The following ITGBL1 variants were observed in gnomAD, a reference collection of about 807,000 sequenced individuals.
The protein encoded by ITGBL1 is integrin beta-like protein 1.
Under a neutral mutation model 68.5 loss-of-function variants are expected in ITGBL1, and 51 were observed. That is an observed-to-expected ratio of 0.74 (90% CI 0.59 to 0.94). The LOEUF is 0.94. Among genes scored for constraint, ITGBL1 ranks in the 40% least tolerant of loss-of-function variants. ITGBL1 has a pLI of 0.00. For synonymous variants in ITGBL1, 209 were observed against 227.3 expected (o/e 0.92, Z 0.72); for missense variants, 649 against 647.4 (o/e 1.00, Z -0.03).
At chr13:101,672,643 G>T (rs2033406138) in intron 7 of ITGBL1, among the ~76,000 whole-genome samples, 2 of 152,160 alleles carry the variant, frequency 1.3e-5, no homozygotes, top group Admixed American at 1.3e-4. Flanking sequence ...ACATAAATCA[G>T]ACAGTGCCTT....
At chr13:101,515,721 G>A (rs981782694) in intron 2 of ITGBL1, among the ~76,000 whole-genome samples, 1 of 151,950 alleles carries the variant, frequency 6.6e-6, no homozygotes, top group Non-Finnish European at 1.5e-5. Flanking sequence ...AATTGACAGC[G>A]GAACAGACTT....
intron 2 of ITGBL1, among the ~76,000 whole-genome samples, chr13:101,514,589 T>A (rs911518625): frequency 5.9e-5 from 9 of 152,092 alleles, no homozygotes; most frequent in Non-Finnish European, 8.8e-5. Flanking sequence ...AAAAACAAAT[T>A]AATTGTATCT....
chr13:101,574,029 T>G (rs1233854390), intron 3 of ITGBL1, among the ~76,000 whole-genome samples: 1 of 152,156 alleles, frequency 6.6e-6, no homozygotes, highest in Non-Finnish European at 1.5e-5. Flanking sequence ...CATCCACTTT[T>G]GCCTCATTTC....
intron 3 of ITGBL1, among the ~76,000 whole-genome samples, chr13:101,568,131 C>G (rs1300073935): frequency 2.6e-5 from 4 of 152,074 alleles, no homozygotes; most frequent in Non-Finnish European, 5.9e-5. Context: ...ATATTGAATA[C>G]CGGATTACAT....
intron 2 of ITGBL1, among the ~76,000 whole-genome samples, chr13:101,461,674 G>C (rs1180238449): frequency 6.6e-6 from 1 of 152,142 alleles, no homozygotes. Flanking sequence ...CAGCCTAGGT[G>C]AGAGAATTAG....
At chr13:101,551,690 G>A (rs2049923269) in intron 2 of ITGBL1, among the ~76,000 whole-genome samples, 1 of 152,142 alleles carries the variant, frequency 6.6e-6, no homozygotes, top group Admixed American at 6.5e-5. Context: ...TGTTTTTCAT[G>A]CCATTTTGCA....
chr13:101,537,950 T>C (rs2049608533), intron 2 of ITGBL1, among the ~76,000 whole-genome samples: 1 of 152,076 alleles, frequency 6.6e-6, no homozygotes, highest in Admixed American at 6.6e-5. Flanking sequence ...GTTACATAGA[T>C]TAAAAACTAT....
At chr13:101,620,795 G>A (rs562652708) in intron 7 of ITGBL1, among the ~76,000 whole-genome samples, 1 of 152,228 alleles carries the variant, frequency 6.6e-6, no homozygotes, top group African/African-American at 2.4e-5. Flanking sequence ...GTCATCTATT[G>A]TCATGGTCCT....
chr13:101,640,321 A>G (rs1344243601), intron 7 of ITGBL1, among the ~76,000 whole-genome samples: 2 of 152,196 alleles, frequency 1.3e-5, no homozygotes, highest in Non-Finnish European at 2.9e-5. Context: ...ATTTTCTTGG[A>G]TTAAAGTTAA....
intron 2 of ITGBL1, among the ~76,000 whole-genome samples, chr13:101,512,608 G>A (rs138962655): frequency 1.2e-4 from 19 of 152,264 alleles, no homozygotes; most frequent in African/African-American, 4.3e-4. Context: ...CATAGGTTGT[G>A]AGTGAGCACA....
chr13:101,616,153 C>T (rs2031353087), intron 7 of ITGBL1, among the ~76,000 whole-genome samples: 1 of 152,264 alleles, frequency 6.6e-6, no homozygotes, highest in East Asian at 1.9e-4. Context: ...TGCTCTCTAC[C>T]AGCAAAATTA....
At chr13:101,599,912 C>A (rs1031754528) in intron 7 of ITGBL1, among the ~76,000 whole-genome samples, 5 of 152,208 alleles carry the variant, frequency 3.3e-5, no homozygotes, top group South Asian at 2.1e-4. Flanking sequence ...ATTGACTTGG[C>A]AATGTGGGCT....
intron 7 of ITGBL1, among the ~76,000 whole-genome samples, chr13:101,665,933 C>T (rs552718882): frequency 2.2e-4 from 34 of 152,110 alleles, no homozygotes; most frequent in Non-Finnish European, 4.6e-4. Context: ...TAACCTTGGA[C>T]GGACACTGGC....
intron 2 of ITGBL1, among the ~76,000 whole-genome samples, chr13:101,538,248 A>G (rs997879995): frequency 2.0e-5 from 3 of 152,046 alleles, no homozygotes; most frequent in African/African-American, 2.4e-5. Context: ...GCCCATAAGC[A>G]AATAGTTCTA....
chr13:101,677,526 T>C (rs2033534347), intron 7 of ITGBL1, among the ~76,000 whole-genome samples: 1 of 152,210 alleles, frequency 6.6e-6, no homozygotes, highest in Non-Finnish European at 1.5e-5. Flanking sequence ...CCTAAAATTA[T>C]AGCACTTATA....
chr13:101,679,531 T>C lies in ITGBL1; in HGVS notation c.1016-13054T>C, dbSNP rs17488541. ...TTTTACTCTAATTTACATGGGCTGC[T>C]TCATGGTGGACTACACTGGTTAAGA... On this transcript the variant is annotated intron_variant, in intron 7 of 10. Coordinates refer to ENST00000376180, the MANE Select transcript of ITGBL1 (RefSeq NM_004791.3). 3.6e-3 allele frequency among the ~76,000 whole-genome samples: 548 copies of C among 152,338 alleles called. 5 individuals are homozygous for C. Among genetic ancestry groups the C allele is most frequent in the Middle Eastern group, 0.017 (5 of 294 alleles).
Position 101,623,619 on chromosome 13 carries a change from A to T in ITGBL1, c.1015+25320A>T, listed in dbSNP as rs1390252254. 4.6e-5 allele frequency among the ~76,000 whole-genome samples: 7 copies of T among 152,226 alleles called. No individual in the cohort carries two copies. The East Asian group carries it at 1.2e-3, about 25-fold the overall frequency. On this transcript the variant is annotated intron_variant, in intron 7 of 10. Coordinates refer to ENST00000376180, the MANE Select transcript of ITGBL1 (RefSeq NM_004791.3). ...TAACTCAAATCTCCTGTTGACTTTCATCTGAGGACAGGCAGTGGGTTCACC... is the reference window on the plus strand; with the variant it reads ...TAACTCAAATCTCCTGTTGACTTTCTTCTGAGGACAGGCAGTGGGTTCACC...
intron 7 of ITGBL1, among the ~76,000 whole-genome samples, chr13:101,642,559 G>T (rs1416141458): frequency 5.9e-5 from 9 of 152,244 alleles, no homozygotes; most frequent in East Asian, 1.9e-4. Flanking sequence ...CAGAAGCTCT[G>T]TAGTTTAATT....
intron 8 of ITGBL1, among the ~76,000 whole-genome samples, chr13:101,697,369 A>G (rs2034026373): frequency 6.6e-6 from 1 of 152,172 alleles, no homozygotes; most frequent in Non-Finnish European, 1.5e-5. Context: ...ATTATTTTCA[A>G]AATATAAATT....
Sources: gnomAD v4.1 joint callset for allele counts (sites outside exome capture counted in the v4.1 genomes callset) on GRCh38, gnomAD v4.1.1 for gene constraint, MANE v1.5 for transcripts, NCBI Gene and HGNC (gene_info 2026-07-23, HGNC 2026-07-21) for gene names.